STK39: variants seen among roughly 807,000 people sequenced by gnomAD.
The protein encoded by STK39 is serine/threonine kinase 39.
In STK39, 20 loss-of-function variants were observed where a neutral mutation model predicts 77.8. That is an observed-to-expected ratio of 0.26 (90% CI 0.18 to 0.37). The LOEUF (loss-of-function observed/expected upper bound fraction) is 0.37. Among genes scored for constraint, STK39 ranks in the 10% least tolerant of loss-of-function variants. The pLI, the probability that STK39 is intolerant of heterozygous loss-of-function variation, is 1.00. For missense variants in STK39, 479 were observed against 656.5 expected (o/e 0.73, Z 2.95); for synonymous variants, 246 against 234.1 (o/e 1.05, Z -0.47).
At chr2:168,148,787 A>C (rs561263316) in intron 5 of STK39, among the ~76,000 whole-genome samples, 9 of 152,300 alleles carry the variant, frequency 5.9e-5, no homozygotes, top group Non-Finnish European at 1.5e-5. Context: ...GTCTGCCATC[A>C]ATAATCCCTA....
At chr2:168,158,994 A>C (rs893653937) in intron 5 of STK39, among the ~76,000 whole-genome samples, 26 of 152,154 alleles carry the variant, frequency 1.7e-4, no homozygotes, top group Admixed American at 1.7e-3. Flanking sequence ...CAGGCCCTTT[A>C]ATCTTCTGTT....
chr2:167,989,712 G>A (rs1367149328), intron 16 of STK39, among the ~76,000 whole-genome samples: 1 of 152,068 alleles, frequency 6.6e-6, no homozygotes, highest in Non-Finnish European at 1.5e-5. Flanking sequence ...TCCTAGAAAA[G>A]TAAAAATGAA....
At chr2:168,228,112 G>A (rs947422120) in intron 1 of STK39, among the ~76,000 whole-genome samples, 1 of 152,164 alleles carries the variant, frequency 6.6e-6, no homozygotes, top group African/African-American at 2.4e-5. Context: ...TGTATTCCGT[G>A]ATTCTGAAAA....
At chr2:168,059,329 T>C (rs1685604825) in intron 14 of STK39, among the ~76,000 whole-genome samples, 1 of 152,040 alleles carries the variant, frequency 6.6e-6, no homozygotes, top group Non-Finnish European at 1.5e-5. Flanking sequence ...ATGGCAAAGG[T>C]GAAGATGTAA....
chr2:167,964,678 G>C lies in STK39; in HGVS notation c.1547C>G (p.Thr516Arg), dbSNP rs1692097853. The change falls in exon 17 of 18, where the codon ACA (threonine) becomes AGA (arginine). Residue 516 changes from threonine (T) to arginine (R), a missense_variant. Thr to Arg is a moderately conservative substitution (Grantham distance 71). This residue lies in a region of STK39 where 244 missense variants were observed against 296.8 expected (regional missense o/e 0.82). Transcript: ENST00000355999. ...KIVDDPKALK[T>R]LTFKLASGCD... ...TCCACTTACCAACTTAAATGTCAAT[G>C]TTTTTAAAGCTTTGGGATCATCTAC... The C allele has an allele frequency of 6.2e-7, 1 of 1,611,234 alleles. No homozygotes were observed. Among genetic ancestry groups the C allele is most frequent in the South Asian group, 1.1e-5 (1 of 90,278 alleles).
chr2:168,134,195 C>A (rs529634833), intron 8 of STK39, among the ~76,000 whole-genome samples: 2 of 152,124 alleles, frequency 1.3e-5, no homozygotes, highest in Admixed American at 6.5e-5. Context: ...AGGCTTTGAA[C>A]AATGATTCAA....
chr2:167,983,425 G>A (rs1683476547), intron 16 of STK39, among the ~76,000 whole-genome samples: 1 of 137,166 alleles, frequency 7.3e-6, no homozygotes. Flanking sequence ...TTGCACTCCA[G>A]CCTGCGCAAC....
intron 14 of STK39, among the ~76,000 whole-genome samples, chr2:168,063,139 C>T (rs932344334): frequency 8.6e-5 from 13 of 151,728 alleles, no homozygotes; most frequent in Admixed American, 2.0e-4. Context: ...TGTCAGAGAC[C>T]GACTGCTGAA....
intron 14 of STK39, among the ~76,000 whole-genome samples, chr2:168,046,352 G>A (rs1052936500): frequency 2.0e-5 from 3 of 152,184 alleles, no homozygotes; most frequent in Non-Finnish European, 4.4e-5. Flanking sequence ...GCAACAGAGG[G>A]AGACTCCTTC....
intron 14 of STK39, among the ~76,000 whole-genome samples, chr2:168,042,622 C>A (rs1685137187): frequency 6.6e-6 from 1 of 150,772 alleles, no homozygotes; most frequent in Non-Finnish European, 1.5e-5. Flanking sequence ...GCTCTGTCAC[C>A]CAGGCTAGAT....
chr2:168,013,978 CAGCCAAAG>C (rs1341239128), intron 15 of STK39, among the ~76,000 whole-genome samples: 1 of 152,132 alleles, frequency 6.6e-6, no homozygotes, highest in Non-Finnish European at 1.5e-5. Context: ...GATGATGCAG[CAGCCAAAG>C]ATCATTTGAA....
chr2:167,965,414 A>G (rs1319336877), intron 16 of STK39, among the ~76,000 whole-genome samples: 2 of 152,212 alleles, frequency 1.3e-5, no homozygotes, highest in Non-Finnish European at 2.9e-5. Flanking sequence ...TGTTTTCAGT[A>G]TTAGCTGGAT....
chr2:168,233,951 A>G (rs917472470), intron 1 of STK39, among the ~76,000 whole-genome samples: 2 of 152,250 alleles, frequency 1.3e-5, no homozygotes, highest in African/African-American at 2.4e-5. Flanking sequence ...ATAAAAACTT[A>G]TATTTCAAAA....
At chr2:168,122,898 T>C (rs1421454411) in intron 10 of STK39, among the ~76,000 whole-genome samples, 1 of 152,232 alleles carries the variant, frequency 6.6e-6, no homozygotes, top group Non-Finnish European at 1.5e-5. Context: ...TCTTTTAATG[T>C]TTAATGTAAT....
At chr2:167,993,846 T>C (rs1350977452) in intron 16 of STK39, among the ~76,000 whole-genome samples, 1 of 144,678 alleles carries the variant, frequency 6.9e-6, no homozygotes, top group African/African-American at 2.6e-5. Flanking sequence ...TATAAAAACA[T>C]ACAGAATTGG....
At chr2:168,173,024 C>T (rs1002064664) in intron 2 of STK39, among the ~76,000 whole-genome samples, 1 of 152,136 alleles carries the variant, frequency 6.6e-6, no homozygotes, top group African/African-American at 2.4e-5. Context: ...TTCAGAAGCT[C>T]CCAGGTGGTT....
At chr2:168,167,455 C>T (rs374527512) in intron 2 of STK39, 48 bp from the exon 3 acceptor site, 18 of 1,528,618 alleles carry the variant, frequency 1.2e-5, no homozygotes, top group Admixed American at 1.7e-5. Flanking sequence ...TGAAAATTGG[C>T]AAGCAAAACA....
intron 2 of STK39, among the ~76,000 whole-genome samples, chr2:168,176,037 A>G (rs1688948501): frequency 6.6e-6 from 1 of 152,212 alleles, no homozygotes; most frequent in Non-Finnish European, 1.5e-5. Flanking sequence ...GCAATTTGTT[A>G]CCACATACGA....
At chr2:168,042,715 G>A (rs1261020337) in intron 14 of STK39, among the ~76,000 whole-genome samples, 3 of 152,010 alleles carry the variant, frequency 2.0e-5, no homozygotes, top group Non-Finnish European at 4.4e-5. Context: ...GAGTAGCTGG[G>A]ATTACAGGCG....
Sources: gnomAD v4.1 joint callset for allele counts (sites outside exome capture counted in the v4.1 genomes callset) on GRCh38, gnomAD v4.1.1 for gene constraint, gnomAD v4.1.1 regional missense constraint, MANE v1.5 for transcripts, NCBI Gene and HGNC (gene_info 2026-07-23, HGNC 2026-07-21) for gene names.